Variants in PTCH1 observed in about 807,000 individuals in gnomAD.
PTCH1 encodes protein patched homolog 1.
Under a neutral mutation model 144.6 loss-of-function variants are expected in PTCH1, and 14 were observed. The ratio of observed to expected loss-of-function variants is 0.10; its 90% CI spans 0.06 to 0.15. The LOEUF (loss-of-function observed/expected upper bound fraction) is 0.15, where lower values mean the gene tolerates loss of function less well. PTCH1 is among the 10% of genes least tolerant of loss of function. PTCH1 has a pLI of 1.00. For synonymous variants in PTCH1, 833 were observed against 793.6 expected (o/e 1.05, Z -0.83); for missense variants, 1,623 against 1,948.3 (o/e 0.83, Z 3.14).
chr9:95,482,271 G>A (rs1334972742), intron 3 of PTCH1, 68 bp from the exon 4 acceptor site: 1 of 1,420,948 alleles, frequency 7.0e-7, no homozygotes, highest in Non-Finnish European at 9.9e-7. Flanking sequence ...AATTCGAAAT[G>A]ATAGAACATA....
chr9:95,487,738 T>C (rs573106877), intron 2 of PTCH1, among the ~76,000 whole-genome samples: 1 of 152,350 alleles, frequency 6.6e-6, no homozygotes, highest in East Asian at 1.9e-4. Context: ...ATTCCCATTG[T>C]TACTGCCTCC....
chr9:95,454,335 T>A (rs1838733128), intron 19 of PTCH1, among the ~76,000 whole-genome samples: 1 of 152,152 alleles, frequency 6.6e-6, no homozygotes, highest in Non-Finnish European at 1.5e-5. Context: ...TGGCACAAGT[T>A]CTCTCTCTGA....
chr9:95,453,775 A>G lies in PTCH1; in HGVS notation c.3307-155T>C, dbSNP rs540447800. Reference sequence around the variant, plus strand: ...CAGAGTAGCTCAACTAGCAGCACCTAGACTTAAACTAAGATGACCTCTTCA... The same window carrying G: ...CAGAGTAGCTCAACTAGCAGCACCTGGACTTAAACTAAGATGACCTCTTCA... On this transcript the variant is annotated intron_variant, in intron 19 of 23. Transcript: ENST00000331920. Among the ~76,000 whole-genome samples the G allele has an allele frequency of 5.3e-5, 8 of 152,362 alleles. No individual in the cohort carries two copies. In the East Asian group the frequency reaches 1.2e-3, roughly 22 times the overall value.
In PTCH1 at chr9:95,479,180, A is replaced by G. The variant is rs376527279; in HGVS notation, c.1068-33T>C. ...ACAGTCCAAGGGAAGGCACATCATC[A>G]GTATTCCCAGGAAGCAGTTTCCACT... On this transcript the variant is annotated intron_variant, in intron 7 of 23. Coordinates refer to ENST00000331920, the MANE Select transcript of PTCH1 (RefSeq NM_000264.5). 5.6e-6 allele frequency: 9 copies of G among 1,613,786 alleles called. No homozygotes were observed. The African/African-American group carries it at 9.3e-5, about 17-fold the overall frequency.
intron 16 of PTCH1, among the ~76,000 whole-genome samples, chr9:95,460,369 C>T (rs3824487): frequency 0.047 from 7,149 of 152,230 alleles, 350 homozygotes; most frequent in East Asian, 0.15. Context: ...GTACTCCGCA[C>T]GCCGCGTCCT....
intron 7 of PTCH1, 133 bp from the exon 8 acceptor site, chr9:95,479,280 T>G: frequency 2.6e-6 from 3 of 1,136,492 alleles, no homozygotes; most frequent in Non-Finnish European, 3.9e-6. Flanking sequence ...CATGTTTCCA[T>G]TAAAATGGGA....
chr9:95,475,420 G>C lies in PTCH1; in HGVS notation c.1728+614C>G, dbSNP rs1478101550. 3.3e-5 allele frequency among the ~76,000 whole-genome samples: 5 copies of C among 152,270 alleles called. No individual in the cohort carries two copies. In the South Asian group the frequency reaches 6.2e-4, roughly 19 times the overall value. On this transcript the variant is annotated intron_variant, in intron 12 of 23. Coordinates refer to ENST00000331920, the MANE Select transcript of PTCH1 (RefSeq NM_000264.5). ...GGGAGCAGGGGACCAAAAGGAAAGA[G>C]AAGAGGGGACAGGAAAGATTGTGGC...
intron 3 of PTCH1, chr9:95,483,879 A>G (rs1841766953): frequency 6.6e-6 from 1 of 152,202 alleles, no homozygotes; most frequent in South Asian, 2.1e-4. Context: ...TACACTTGAG[A>G]AGGACATCAT....
In PTCH1 at chr9:95,458,719, C is replaced by T. The variant is rs929575326; in HGVS notation, c.2888-426G>A. The stretch of plus-strand genomic sequence containing the variant: ...CTTTTAGTGCCTGAACAAACTTCAA[C>T]CTTGTATGCTTCTTTTCTAATGCAA... On this transcript the variant is annotated intron_variant, in intron 17 of 23. Transcript: ENST00000331920. This position sits in a 1 kb window ranked among gnomAD's most constrained non-coding sequence, Gnocchi z 4.7. 6.6e-6 allele frequency among the ~76,000 whole-genome samples: 1 copy of T among 152,214 alleles called. No individual in the cohort carries two copies. Among genetic ancestry groups the T allele is most frequent in the South Asian group, 2.1e-4 (1 of 4,830 alleles).
chr9:95,469,098 C>T lies in PTCH1; in HGVS notation c.1903G>A (p.Asp635Asn), dbSNP rs372555269. The change falls in exon 14 of 24, where the codon GAC becomes AAC. Residue 635 changes from aspartate to asparagine, a missense_variant. This residue lies in a region of PTCH1 where 179 missense variants were observed against 165.7 expected (regional missense o/e 1.08). Coordinates refer to ENST00000331920, the MANE Select transcript of PTCH1 (RefSeq NM_000264.5). The part of the protein sequence containing the change: ...VEPQAYTDTH[D>N]NTRYSPPPPY... ...GGTGGGGGGCTGTAGCGGGTATTGTCGTGTGTGTCGGTGTAGGCCTGAGGT... is the reference window on the plus strand; with the variant it reads ...GGTGGGGGGCTGTAGCGGGTATTGTTGTGTGTGTCGGTGTAGGCCTGAGGT... 5.3e-5 allele frequency: 85 copies of T among 1,613,826 alleles called. No homozygotes were observed. The highest frequency in any genetic ancestry group is 6.6e-5 in the Non-Finnish European group (78 of 1,180,034).
At position 95,449,859 on chromosome 9, in the gene PTCH1, G is replaced by A. The variant is rs587780702; in HGVS notation, c.3531C>T (p.Phe1177=). Reference sequence around the variant, plus strand: ...TACTGACCTCAGGATATGGTCCAAAGAAAGACAAAAGCACGGGAAGCAAAA... The same window carrying A: ...TACTGACCTCAGGATATGGTCCAAAAAAAGACAAAAGCACGGGAAGCAAAA... ...GLVLLPVLLS[F]FGPYPEVSPA... Residue 1177 remains phenylalanine (F), a synonymous_variant, in exon 21 of 24, where the codon TTC becomes TTT. Coordinates refer to ENST00000331920, the MANE Select transcript of PTCH1 (RefSeq NM_000264.5). This position sits in a 1 kb window ranked among gnomAD's most constrained non-coding sequence, Gnocchi z 5.3. 2.1e-4 allele frequency: 332 copies of A among 1,613,892 alleles called. No individual in the cohort carries two copies. Among genetic ancestry groups the A allele is most frequent in the Non-Finnish European group, 2.7e-4 (321 of 1,179,858 alleles).
chr9:95,451,672 C>T (rs913626987), intron 20 of PTCH1: 6 of 152,204 alleles, frequency 3.9e-5, no homozygotes, highest in Non-Finnish European at 7.3e-5. Flanking sequence ...ATATGGGGGT[C>T]CCCATTATTT....
In PTCH1 at chr9:95,508,931, C is replaced by T. The variant is rs895956477; in HGVS notation, c.-570G>A. Among the ~76,000 whole-genome samples the T allele has an allele frequency of 4.0e-5, 6 of 150,868 alleles. No individual in the cohort carries two copies. Among genetic ancestry groups the T allele is most frequent in the African/African-American group, 1.5e-4 (6 of 41,184 alleles). ...CCCGGCGGGTCTCAGCGCTGCCGGG[C>T]CCGGGCAGCCGCAGCTGCCGCTGCT... On this transcript the variant is annotated 5_prime_UTR_variant, in exon 1 of 24. Transcript: ENST00000331920.
chr9:95,462,482 C>T (rs1839578149), intron 15 of PTCH1, among the ~76,000 whole-genome samples: 1 of 152,176 alleles, frequency 6.6e-6, no homozygotes, highest in Admixed American at 6.5e-5. Flanking sequence ...GGTGAGCGAA[C>T]ACGATTCTGT....
Position 95,479,147 on chromosome 9 carries a change from G to T in PTCH1, c.1068C>A (p.Ser356Arg). Residue 356 changes from serine to arginine, a missense_variant and splice_region_variant, in exon 8 of 24, where the codon AGC (serine) becomes AGA (arginine). By Grantham distance (110) the Ser-to-Arg change is moderately radical (BLOSUM62 -1). Coordinates refer to ENST00000331920, the MANE Select transcript of PTCH1 (RefSeq NM_000264.5). Reference sequence around the variant, plus strand: ...GGAACATGGTCTGCAGGGCATGGGCGCTGCAGCACAGTCCAAGGGAAGGCA... The same window carrying T: ...GGAACATGGTCTGCAGGGCATGGGCTCTGCAGCACAGTCCAAGGGAAGGCA... ...TVKNSTGKLV[S>R]AHALQTMFQL... is the part of the protein sequence containing the mutation. 6.2e-7 allele frequency: 1 copy of T among 1,614,004 alleles called. No individual in the cohort carries two copies. The highest frequency in any genetic ancestry group is 8.5e-7 in the Non-Finnish European group (1 of 1,180,000).
At chr9:95,507,911 C>T (rs942116339) in intron 1 of PTCH1, 28 of 1,371,806 alleles carry the variant, frequency 2.0e-5, no homozygotes, top group Middle Eastern at 2.8e-4. Flanking sequence ...TGTATACACA[C>T]ACACACACGC....
chr9:95,507,044 G>C (rs1843724616), intron 1 of PTCH1: 1 of 988,124 alleles, frequency 1.0e-6, no homozygotes, highest in Non-Finnish European at 1.2e-6. Flanking sequence ...ACGGGCGCTA[G>C]GGGCGAGCGC....
intron 12 of PTCH1, chr9:95,474,238 G>T: frequency 3.0e-6 from 1 of 331,776 alleles, no homozygotes; most frequent in South Asian, 2.6e-5. Flanking sequence ...AAGCAGAAAA[G>T]AAGGGGAGAG....
Position 95,476,739 on chromosome 9 carries a change from T to C in PTCH1, c.1602+20A>G. 1 of 1,604,274 alleles carries C rather than the reference T, an allele frequency of 6.2e-7. No homozygotes were observed. Among genetic ancestry groups the C allele is most frequent in the Admixed American group, 1.7e-5 (1 of 59,860 alleles). The stretch of plus-strand genomic sequence containing the variant: ...AAGCTGTGATGTCCCCAAAGCTCTC[T>C]TCTTTTGTTTTTGCATTACCTCAAA... On this transcript the variant is annotated intron_variant, in intron 11 of 23. Coordinates refer to ENST00000331920, the MANE Select transcript of PTCH1 (RefSeq NM_000264.5). The surrounding 1 kb of genome is among the most constrained non-coding windows in gnomAD (Gnocchi z 4.6).
Sources: allele counts gnomAD v4.1 joint callset (sites outside exome capture counted in the v4.1 genomes callset), GRCh38; gene constraint gnomAD v4.1.1; regional missense constraint gnomAD v4.1.1; non-coding constraint Gnocchi (gnomAD v3.1); transcripts MANE v1.5; gene names NCBI Gene and HGNC (gene_info 2026-07-23, HGNC 2026-07-21).